ARHGAP6: variants seen among roughly 807,000 people sequenced by gnomAD.
ARHGAP6 encodes the protein rho GTPase-activating protein 6.
ARHGAP6 carries 16 observed loss-of-function variants against 55.7 expected under a neutral mutation model. The observed-to-expected ratio is 0.29, with a 90% CI of 0.19 to 0.44. The LOEUF (loss-of-function observed/expected upper bound fraction) is 0.44. ARHGAP6 is among the 20% of genes least tolerant of loss of function. The probability of loss-of-function intolerance (pLI) is 1.00; values close to 1 mark genes in which losing one functional copy is unlikely to be tolerated. For synonymous variants in ARHGAP6, 382 were observed against 360.9 expected, an observed-to-expected ratio of 1.06 and a Z score of -0.66; for missense variants, 698 against 808.9, an observed-to-expected ratio of 0.86 and a Z score of 1.66.
At chrX:11,603,707 C>T (rs2052002807) in intron 1 of ARHGAP6, among the ~76,000 whole-genome samples, 1 of 111,898 alleles carries the variant, frequency 8.9e-6, no homozygotes, top group African/African-American at 3.2e-5. Context: ...GCAATTTATA[C>T]TTAGAGAAGA....
chrX:11,445,163 T>C (rs2050080619), intron 1 of ARHGAP6, among the ~76,000 whole-genome samples: 1 of 112,578 alleles, frequency 8.9e-6, no homozygotes, highest in East Asian at 2.8e-4. Flanking sequence ...CCTTGTTGTC[T>C]GAGCTCACTT....
At chrX:11,188,621 G>C in intron 4 of ARHGAP6, 107 bp downstream of exon 4, 1 of 1,067,332 alleles carries the variant, frequency 9.4e-7, no homozygotes, top group Non-Finnish European at 1.3e-6. Flanking sequence ...ACAGATACCT[G>C]AACACCAACT....
At chrX:11,651,799 T>C (rs1200504219) in intron 1 of ARHGAP6, among the ~76,000 whole-genome samples, 1 of 111,754 alleles carries the variant, frequency 8.9e-6, no homozygotes, top group African/African-American at 3.3e-5. Flanking sequence ...CGCCAGCATC[T>C]GTTATTTTTT....
At chrX:11,284,381 G>A (rs1308988538) in intron 1 of ARHGAP6, among the ~76,000 whole-genome samples, 1 of 111,900 alleles carries the variant, frequency 8.9e-6, no homozygotes, top group African/African-American at 3.2e-5. Context: ...ACATGTAAGA[G>A]GAAAGAAGTG....
intron 1 of ARHGAP6, among the ~76,000 whole-genome samples, chrX:11,389,799 G>A (rs1407637340): frequency 9.0e-6 from 1 of 111,707 alleles, no homozygotes. Context: ...TGCAAATACA[G>A]TGAGAAATAA....
chrX:11,523,337 C>T (rs1004202343), intron 1 of ARHGAP6, among the ~76,000 whole-genome samples: 2 of 110,849 alleles, frequency 1.8e-5, no homozygotes, highest in Non-Finnish European at 3.8e-5. Context: ...GACAGGGATG[C>T]CCTCTCTCAC....
chrX:11,183,432 G>A (rs185271387), intron 5 of ARHGAP6, among the ~76,000 whole-genome samples: 2 of 111,698 alleles, frequency 1.8e-5, no homozygotes, highest in African/African-American at 6.5e-5. Context: ...TGAAAATATA[G>A]TGTCAGTGCT....
chrX:11,449,489 G>A (rs1369940049), intron 1 of ARHGAP6, among the ~76,000 whole-genome samples: 1 of 111,773 alleles, frequency 8.9e-6, no homozygotes, highest in African/African-American at 3.3e-5. Context: ...TTCTAGGCTC[G>A]AGCTCTAAAG....
intron 1 of ARHGAP6, among the ~76,000 whole-genome samples, chrX:11,602,562 G>A (rs1378752063): frequency 8.9e-6 from 1 of 112,906 alleles, no homozygotes; most frequent in African/African-American, 3.2e-5. Flanking sequence ...GATTGGTTAG[G>A]TCTATGTCAT....
intron 2 of ARHGAP6, among the ~76,000 whole-genome samples, chrX:11,248,265 G>A (rs768949777): frequency 1.8e-5 from 2 of 111,411 alleles, no homozygotes; most frequent in East Asian, 2.8e-4. Context: ...CTTTTGTAGT[G>A]GTGTTAAGGC....
chrX:11,176,251 A>ATT (rs2046214267), intron 8 of ARHGAP6, among the ~76,000 whole-genome samples: 3 of 68,432 alleles, frequency 4.4e-5, no homozygotes, highest in South Asian at 9.2e-4. Context: ...ATATATATAT[A>ATT]TATATATATA....
At chrX:11,166,681 C>T (rs1186209682) in intron 9 of ARHGAP6, among the ~76,000 whole-genome samples, 1 of 111,949 alleles carries the variant, frequency 8.9e-6, no homozygotes, top group Non-Finnish European at 1.9e-5. Context: ...TTCTCCTGTG[C>T]TTTATAAAAA....
At position 11,664,997 on chromosome X, in the gene ARHGAP6, A is replaced by G; in HGVS notation, c.-169T>C. ...AGCTCACGCGCCGCCGGTGCGCTCC[A>G]AGTGCCCCGGCGGCGGCAGGAGCAG... is the stretch of plus-strand genomic sequence containing the variant. On this transcript the variant is annotated 5_prime_UTR_variant, in exon 1 of 13. Transcript: ENST00000337414. 1 of 433,852 alleles carries G rather than the reference A, an allele frequency of 2.3e-6. No homozygotes were observed. The highest frequency in any genetic ancestry group is 3.7e-6 in the Non-Finnish European group (1 of 266,878). 35.8% of individuals were successfully genotyped at this position (433,852 alleles called of 1,213,427 possible).
rs756669216 is a variant in ARHGAP6 at position 11,429,239 on chromosome X, T to C, written c.589-174532A>G. 8.0e-5 allele frequency among the ~76,000 whole-genome samples: 9 copies of C among 112,984 alleles called. No individual in the cohort carries two copies. The South Asian group carries it at 3.3e-3, about 41-fold the overall frequency. ...TGTACATACTGTAAGATTTCACTTA[T>C]TTATTCTGCAACTGAAATTCAAATG... On this transcript the variant is annotated intron_variant, in intron 1 of 12. Transcript: ENST00000337414.
At chrX:11,561,711 C>T (rs1208545416) in intron 1 of ARHGAP6, among the ~76,000 whole-genome samples, 1 of 112,306 alleles carries the variant, frequency 8.9e-6, no homozygotes, top group Admixed American at 9.4e-5. Context: ...ATCTGGCCAA[C>T]CCAAATTTTC....
At chrX:11,519,785 T>G (rs1428977549) in intron 1 of ARHGAP6, among the ~76,000 whole-genome samples, 1 of 107,853 alleles carries the variant, frequency 9.3e-6, no homozygotes, top group African/African-American at 3.4e-5. Context: ...GCTAGCCATA[T>G]GTAGAAAGCT....
At chrX:11,315,509 CCT>C in intron 1 of ARHGAP6, among the ~76,000 whole-genome samples, 1 of 111,521 alleles carries the variant, frequency 9.0e-6, no homozygotes. Flanking sequence ...GTCGGGAACC[CCT>C]GTTTTAGATG....
chrX:11,548,137 T>A lies in ARHGAP6; in HGVS notation c.588+116104A>T, dbSNP rs1233198859. ...AATTATTTTTCCTTTTGTGTTTAGT[T>A]GACATGTAACAATTCTACATATTTA... On this transcript the variant is annotated intron_variant, in intron 1 of 12. Coordinates refer to ENST00000337414, the MANE Select transcript of ARHGAP6 (RefSeq NM_013427.3). 6.2e-5 allele frequency among the ~76,000 whole-genome samples: 7 copies of A among 112,266 alleles called. No individual in the cohort carries two copies. The South Asian group carries it at 1.5e-3, about 24-fold the overall frequency.
intron 1 of ARHGAP6, among the ~76,000 whole-genome samples, chrX:11,373,071 T>C (rs924612912): frequency 4.4e-5 from 4 of 91,736 alleles, no homozygotes; most frequent in African/African-American, 1.6e-4. Context: ...GAATATTTTC[T>C]ATTTTTTTCA....
Sources: gnomAD v4.1 joint callset for allele counts (sites outside exome capture counted in the v4.1 genomes callset) on GRCh38, gnomAD v4.1.1 for gene constraint, MANE v1.5 for transcripts, NCBI Gene and HGNC (gene_info 2026-07-23, HGNC 2026-07-21) for gene names.